Variants in DNAJC12 observed in about 807,000 individuals in gnomAD.
The protein encoded by DNAJC12 is dnaJ homolog subfamily C member 12.
Under a neutral mutation model 28.5 loss-of-function variants are expected in DNAJC12, and 25 were observed. That is an observed-to-expected ratio of 0.88 (90% CI 0.64 to 1.22). The LOEUF (loss-of-function observed/expected upper bound fraction) is 1.22. DNAJC12 is among the 50% of genes most tolerant of loss of function. DNAJC12 has a pLI of 0.00. For missense variants in DNAJC12, 222 were observed against 231.7 expected (o/e 0.96, Z 0.27); for synonymous variants, 77 against 80.6 (o/e 0.95, Z 0.24).
chr10:67,819,779 G>GGGAAGGAAGGAAGGAAGGAA (rs144881348), intron 2 of DNAJC12, among the ~76,000 whole-genome samples: 395 of 13,208 alleles, frequency 0.03, 26 homozygotes, highest in Non-Finnish European at 0.043. Context: ...AGGAAGGAAG[G>GGGAAGGAAGGAAGGAAGGAA]GGAAGGAAGG....
intron 1 of DNAJC12, chr10:67,827,830 G>A (rs1842052427): frequency 6.6e-6 from 1 of 152,072 alleles, no homozygotes; most frequent in Non-Finnish European, 1.5e-5. Flanking sequence ...TAAAAATTAA[G>A]AAAGTCTATA....
At chr10:67,824,877 G>T (rs192423712) in intron 1 of DNAJC12, among the ~76,000 whole-genome samples, 5 of 152,114 alleles carry the variant, frequency 3.3e-5, no homozygotes, top group African/African-American at 1.2e-4. Context: ...GGGATTACAG[G>T]TGCCCACCAC....
intron 1 of DNAJC12, among the ~76,000 whole-genome samples, chr10:67,830,916 T>C (rs952033040): frequency 5.3e-5 from 8 of 151,632 alleles, no homozygotes; most frequent in African/African-American, 1.2e-4. Context: ...AGGCCAGGTG[T>C]GGTGGCTCAC....
intron 4 of DNAJC12, among the ~76,000 whole-genome samples, chr10:67,799,250 C>T (rs1841713416): frequency 6.6e-6 from 1 of 151,946 alleles, no homozygotes; most frequent in Non-Finnish European, 1.5e-5. Context: ...TCAGAAAAAG[C>T]ATATACAGAA....
chr10:67,818,750 G>T (rs1246180501), intron 2 of DNAJC12, among the ~76,000 whole-genome samples: 1 of 151,868 alleles, frequency 6.6e-6, no homozygotes, highest in East Asian at 1.9e-4. Context: ...TCTGCTCCCG[G>T]GTTCATGCGA....
intron 1 of DNAJC12, 51 bp downstream of exon 1, chr10:67,837,883 C>A: frequency 7.4e-7 from 1 of 1,350,334 alleles, no homozygotes; most frequent in Non-Finnish European, 1.0e-6. Context: ...ACTTGAAATA[C>A]TATTGTGAAA....
intron 3 of DNAJC12, chr10:67,808,440 G>C (rs1051972014): frequency 1.3e-5 from 2 of 152,068 alleles, no homozygotes; most frequent in Middle Eastern, 6.8e-3. Context: ...TGAACGAGTT[G>C]GTTTTTTTTC....
At chr10:67,815,283 C>T (rs140594637) in intron 2 of DNAJC12, among the ~76,000 whole-genome samples, 3,529 of 152,032 alleles carry the variant, frequency 0.023, 139 homozygotes, top group African/African-American at 0.079. Flanking sequence ...CCAAGGTGGG[C>T]GGATCACCTG....
chr10:67,810,328 T>C (rs1841846824), intron 3 of DNAJC12, among the ~76,000 whole-genome samples: 1 of 152,106 alleles, frequency 6.6e-6, no homozygotes, highest in Non-Finnish European at 1.5e-5. Flanking sequence ...ATCCAAACCA[T>C]ATCAACACTT....
At chr10:67,828,474 A>C (rs1024851318) in intron 1 of DNAJC12, among the ~76,000 whole-genome samples, 1 of 152,118 alleles carries the variant, frequency 6.6e-6, no homozygotes, top group African/African-American at 2.4e-5. Context: ...TTCTTTGTTA[A>C]ACTTCTGAGA....
intron 2 of DNAJC12, among the ~76,000 whole-genome samples, chr10:67,822,798 C>T (rs946695127): frequency 4.0e-5 from 6 of 151,698 alleles, no homozygotes; most frequent in African/African-American, 1.5e-4. Context: ...AACCGGCCTG[C>T]CCAACATAGT....
chr10:67,801,235 G>A (rs867596351), intron 4 of DNAJC12, among the ~76,000 whole-genome samples: 1 of 152,150 alleles, frequency 6.6e-6, no homozygotes, highest in Admixed American at 6.5e-5. Context: ...TAGCAAATAT[G>A]CTGAAAAGTA....
At chr10:67,799,915 G>A (rs184349245) in intron 4 of DNAJC12, among the ~76,000 whole-genome samples, 30 of 147,860 alleles carry the variant, frequency 2.0e-4, no homozygotes, top group Admixed American at 1.7e-3. Context: ...TAGGGTTCCC[G>A]TAGAAATAGA....
chr10:67,797,395 G>A (rs185701560), intron 4 of DNAJC12, among the ~76,000 whole-genome samples, 185 bp from the exon 5 acceptor site: 1 of 152,020 alleles, frequency 6.6e-6, no homozygotes, highest in Non-Finnish European at 1.5e-5. Context: ...TTATGAACAC[G>A]AATTACAATT....
At chr10:67,828,524 A>G (rs552426366) in intron 1 of DNAJC12, among the ~76,000 whole-genome samples, 4 of 152,132 alleles carry the variant, frequency 2.6e-5, no homozygotes, top group Non-Finnish European at 4.4e-5. Flanking sequence ...TCCTGTTAGG[A>G]ACTGTAATTA....
In DNAJC12 at chr10:67,811,598, A is replaced by G; in HGVS notation, c.223T>C (p.Tyr75His). Reference protein sequence around the residue: ...ILTNEESRARYDHWRRSQMSM... With the variant: ...ILTNEESRARHDHWRRSQMSM... Reference sequence around the variant, plus strand: ...ATCTGGCTCCTTCGCCAGTGGTCATAGCGGGCTCGACTCTCTTCATTGGTC... The same window carrying G: ...ATCTGGCTCCTTCGCCAGTGGTCATGGCGGGCTCGACTCTCTTCATTGGTC... Residue 75 changes from tyrosine to histidine, a missense_variant, in exon 3 of 5, where the codon TAT (tyrosine) becomes CAT (histidine). Tyr to His is a moderately conservative substitution (Grantham distance 83). Coordinates refer to ENST00000225171, the MANE Select transcript of DNAJC12 (RefSeq NM_021800.3). The G allele has an allele frequency of 6.2e-7, 1 of 1,614,190 alleles. No individual in the cohort carries two copies. Among genetic ancestry groups the G allele is most frequent in the South Asian group, 1.1e-5 (1 of 91,086 alleles).
At chr10:67,823,429 G>A (rs368835308) in intron 1 of DNAJC12, 37 bp from the exon 2 acceptor site, 1 of 1,577,890 alleles carries the variant, frequency 6.3e-7, no homozygotes, top group East Asian at 2.2e-5. Context: ...AAAGAGTCAT[G>A]CCAGGCGCAG....
At chr10:67,819,109 G>A (rs1360826256) in intron 2 of DNAJC12, among the ~76,000 whole-genome samples, 1 of 152,094 alleles carries the variant, frequency 6.6e-6, no homozygotes, top group Non-Finnish European at 1.5e-5. Flanking sequence ...CGAGGCGGGC[G>A]GATCACGAGG....
chr10:67,820,550 C>T (rs1018703756), intron 2 of DNAJC12, among the ~76,000 whole-genome samples: 6 of 151,880 alleles, frequency 4.0e-5, no homozygotes, highest in Non-Finnish European at 1.5e-5. Flanking sequence ...TACATATGCA[C>T]AAATTTATCA....
Sources: gnomAD v4.1 joint callset for allele counts (sites outside exome capture counted in the v4.1 genomes callset) on GRCh38, gnomAD v4.1.1 for gene constraint, MANE v1.5 for transcripts, NCBI Gene and HGNC (gene_info 2026-07-23, HGNC 2026-07-21) for gene names.